The following PTAR1 variants were observed in gnomAD, a reference collection of about 807,000 sequenced individuals.
The protein encoded by PTAR1 is protein prenyltransferase alpha subunit repeat containing 1.
In PTAR1, 17 loss-of-function variants were observed where a neutral mutation model predicts 45.5. The observed-to-expected ratio is 0.37, with a 90% CI of 0.26 to 0.56. The LOEUF (loss-of-function observed/expected upper bound fraction) is 0.56, where lower values mean the gene tolerates loss of function less well. Among genes scored for constraint, PTAR1 ranks in the 20% least tolerant of loss-of-function variants. PTAR1 has a pLI of 0.77. For missense variants in PTAR1, 391 were observed against 476.3 expected (o/e 0.82, Z 1.67); for synonymous variants, 169 against 171.3 (o/e 0.99, Z 0.11).
intron 6 of PTAR1, among the ~76,000 whole-genome samples, chr9:69,719,312 C>T (rs1049621428): frequency 3.9e-5 from 6 of 152,090 alleles, no homozygotes; most frequent in Admixed American, 2.0e-4. Context: ...GTTCTCCCTC[C>T]GAGGAGAGCA....
chr9:69,750,746 A>C, intron 2 of PTAR1, 35 bp downstream of exon 2: 1 of 1,537,286 alleles, frequency 6.5e-7, no homozygotes, highest in South Asian at 1.2e-5. Flanking sequence ...TGTCGCTTCT[A>C]AAAACCAAAT....
intron 1 of PTAR1, among the ~76,000 whole-genome samples, chr9:69,752,289 T>A (rs1359587997): frequency 6.6e-6 from 1 of 152,056 alleles, no homozygotes; most frequent in African/African-American, 2.4e-5. Flanking sequence ...ACACCCTGTC[T>A]TTTTGTTGGG....
At chr9:69,755,351 G>A (rs1450013753) in intron 1 of PTAR1, among the ~76,000 whole-genome samples, 1 of 152,134 alleles carries the variant, frequency 6.6e-6, no homozygotes, top group Non-Finnish European at 1.5e-5. Context: ...CCATTCATTG[G>A]CTTCCAGATG....
rs1824514270 is a variant in PTAR1 at position 69,711,306 on chromosome 9, A to G, written c.*7036T>C. Reference sequence around the variant, plus strand: ...TCGCCAGGAGGCAATGCCTAATTACATTTGTACTATACACTCTGTTCCTCA... The same window carrying G: ...TCGCCAGGAGGCAATGCCTAATTACGTTTGTACTATACACTCTGTTCCTCA... On this transcript the variant is annotated 3_prime_UTR_variant, in exon 8 of 8. Transcript: ENST00000340434. 2 of 152,170 alleles carry G rather than the reference A, an allele frequency of 1.3e-5. No individual in the cohort carries two copies. Among genetic ancestry groups the G allele is most frequent in the Non-Finnish European group, 2.9e-5 (2 of 68,024 alleles). The allele number at this position is 152,170 out of a possible 1,614,324, so 9.4% of individuals were successfully genotyped here.
At position 69,717,840 on chromosome 9, in the gene PTAR1, A is replaced by G. The variant is rs923564427; in HGVS notation, c.*502T>C. 6.6e-6 allele frequency: 1 copy of G among 152,614 alleles called. No individual in the cohort carries two copies. The highest frequency in any genetic ancestry group is 1.5e-5 in the Non-Finnish European group (1 of 68,378). 9.5% of individuals were successfully genotyped at this position (152,614 alleles called of 1,614,324 possible). ...CAATCCTTCTGCCTCAGCTTCCTGC[A>G]TAGCTAGGAACACAGTTGCATAGCA... On this transcript the variant is annotated 3_prime_UTR_variant, in exon 8 of 8. Coordinates refer to ENST00000340434, the MANE Select transcript of PTAR1 (RefSeq NM_001099666.2).
intron 5 of PTAR1, among the ~76,000 whole-genome samples, chr9:69,730,192 G>T (rs968897760): frequency 6.6e-6 from 1 of 152,054 alleles, no homozygotes; most frequent in African/African-American, 2.4e-5. Flanking sequence ...GTGAATGGAA[G>T]AATGGTAAGT....
At chr9:69,753,259 A>G (rs1465307227) in intron 1 of PTAR1, among the ~76,000 whole-genome samples, 2 of 152,128 alleles carry the variant, frequency 1.3e-5, no homozygotes, top group African/African-American at 4.8e-5. Context: ...CCATCTGCAC[A>G]ATTAAAAAAC....
intron 2 of PTAR1, among the ~76,000 whole-genome samples, chr9:69,748,445 G>T (rs1826375843): frequency 6.6e-6 from 1 of 151,818 alleles, no homozygotes; most frequent in Admixed American, 6.6e-5. Flanking sequence ...ACTAAACAGG[G>T]ATAATTCCTA....
At chr9:69,744,858 A>T (rs1425512479) in intron 2 of PTAR1, among the ~76,000 whole-genome samples, 1 of 152,216 alleles carries the variant, frequency 6.6e-6, no homozygotes, top group African/African-American at 2.4e-5. Flanking sequence ...GCTGAAGATG[A>T]GTAAGCACAG....
intron 6 of PTAR1, 51 bp from the exon 7 acceptor site, chr9:69,718,735 C>A: frequency 1.4e-6 from 2 of 1,402,542 alleles, no homozygotes; most frequent in South Asian, 3.1e-5. Context: ...ATTACAAAGT[C>A]AAGCTTTTCC....
At chr9:69,754,157 G>A (rs555844418) in intron 1 of PTAR1, among the ~76,000 whole-genome samples, 10 of 152,300 alleles carry the variant, frequency 6.6e-5, no homozygotes, top group African/African-American at 2.4e-4. Flanking sequence ...TTAAGTCACA[G>A]TCCACTTTTT....
chr9:69,736,945 T>C (rs1353504653), intron 3 of PTAR1, among the ~76,000 whole-genome samples: 1 of 152,222 alleles, frequency 6.6e-6, no homozygotes, highest in Admixed American at 6.5e-5. Flanking sequence ...AAAATTTTAA[T>C]ATCAATGTAA....
intron 3 of PTAR1, among the ~76,000 whole-genome samples, chr9:69,740,209 GTGTA>G (rs1233889322): frequency 6.6e-6 from 1 of 152,060 alleles, no homozygotes; most frequent in Non-Finnish European, 1.5e-5. Flanking sequence ...AGGTGTGTGT[GTGTA>G]TGTATGTATG....
Position 69,717,265 on chromosome 9 carries a change from G to A in PTAR1, c.*1077C>T, listed in dbSNP as rs1423040655. ...ATTTTTAAAAAGGAATATTTTTATG[G>A]ATCTATTTCTTTATATATTTCTCCC... is the stretch of plus-strand genomic sequence containing the variant. On this transcript the variant is annotated 3_prime_UTR_variant, in exon 8 of 8. Coordinates refer to ENST00000340434, the MANE Select transcript of PTAR1 (RefSeq NM_001099666.2). 2 of 151,940 alleles carry A rather than the reference G, an allele frequency of 1.3e-5. No individual in the cohort carries two copies. The highest frequency in any genetic ancestry group is 2.9e-5 in the Non-Finnish European group (2 of 67,978). 9.4% of individuals were successfully genotyped at this position (151,940 alleles called of 1,614,324 possible). A position where few individuals can be genotyped will look rare whatever the true frequency, so the allele number is the denominator to read the frequency against.
At chr9:69,743,879 T>C (rs1826151424) in intron 2 of PTAR1, among the ~76,000 whole-genome samples, 1 of 152,178 alleles carries the variant, frequency 6.6e-6, no homozygotes, top group Non-Finnish European at 1.5e-5. Flanking sequence ...AAAATAATTA[T>C]GAAGTAGAAA....
intron 3 of PTAR1, among the ~76,000 whole-genome samples, chr9:69,734,546 G>C (rs377218694): frequency 6.6e-6 from 1 of 152,000 alleles, no homozygotes; most frequent in African/African-American, 2.4e-5. Context: ...AACTATTTGC[G>C]TGAGGGTAAA....
rs999055535 is a variant in PTAR1 at position 69,716,835 on chromosome 9, T to C, written c.*1507A>G. 2 of 152,132 alleles carry C rather than the reference T, an allele frequency of 1.3e-5. No individual in the cohort carries two copies. The highest frequency in any genetic ancestry group is 4.8e-5 in the African/African-American group (2 of 41,430). 9.4% of individuals were successfully genotyped at this position (152,132 alleles called of 1,614,324 possible). On this transcript the variant is annotated 3_prime_UTR_variant, in exon 8 of 8. Coordinates refer to ENST00000340434, the MANE Select transcript of PTAR1 (RefSeq NM_001099666.2). ...TATTTTAGATGAGGTATGAAATTCA[T>C]TGCAAATAGGGGGTAGAAATCTTGA...
In PTAR1 at chr9:69,723,161, C is replaced by T. The variant is rs185842662; in HGVS notation, c.947+165G>A. On this transcript the variant is annotated intron_variant, in intron 6 of 7. Coordinates refer to ENST00000340434, the MANE Select transcript of PTAR1 (RefSeq NM_001099666.2). ...TTAATGATGATGATGATGATGATGA[C>T]GATGATATGGTAACACAAAACCTCT... 4.0e-5 allele frequency among the ~76,000 whole-genome samples: 6 copies of T among 151,662 alleles called. No homozygotes were observed. In the East Asian group the frequency reaches 5.8e-4, roughly 15 times the overall value.
At position 69,714,656 on chromosome 9, in the gene PTAR1, TA is replaced by T. The variant is rs1368669651; in HGVS notation, c.*3685del. 1 of 152,134 alleles carries T rather than the reference TA, an allele frequency of 6.6e-6. No individual in the cohort carries two copies. The highest frequency in any genetic ancestry group is 2.4e-5 in the African/African-American group (1 of 41,452). 9.4% of individuals were successfully genotyped at this position (152,134 alleles called of 1,614,324 possible). On this transcript the variant is annotated 3_prime_UTR_variant, in exon 8 of 8. Coordinates refer to ENST00000340434, the MANE Select transcript of PTAR1 (RefSeq NM_001099666.2). ...CAAAAACTTTTGTTTCCGTATCTTG[TA>T]TCACATAAGCCCTTATTTAAAAATT...
Sources: gnomAD v4.1 joint callset for allele counts (sites outside exome capture counted in the v4.1 genomes callset) on GRCh38, gnomAD v4.1.1 for gene constraint, MANE v1.5 for transcripts, NCBI Gene and HGNC (gene_info 2026-07-23, HGNC 2026-07-21) for gene names.